Variants in RAB40B observed in about 807,000 individuals in gnomAD.
The protein encoded by RAB40B is RAB40B, member RAS oncogene family, also known as ras-related protein Rab-40B.
Under a neutral mutation model 24.0 loss-of-function variants are expected in RAB40B, and 21 were observed. The observed-to-expected ratio is 0.88, with a 90% CI of 0.62 to 1.26. RAB40B has a LOEUF of 1.26. Ranked by LOEUF, RAB40B falls within the 50% of genes most tolerant of loss-of-function variation. The pLI, the probability that RAB40B is intolerant of heterozygous loss-of-function variation, is 0.00. For synonymous variants in RAB40B, 167 were observed against 169.8 expected (o/e 0.98, Z 0.13); for missense variants, 348 against 390.5 (o/e 0.89, Z 0.92).
rs574207848 is a variant in RAB40B, at chr17:82,661,967, C to T, written c.204-920G>A. 25 of 984,808 alleles carry T rather than the reference C, an allele frequency of 2.5e-5. No individual in the cohort carries two copies. The South Asian group carries it at 2.8e-4, about 11-fold the overall frequency. 61.0% of individuals were successfully genotyped at this position (984,808 alleles called of 1,614,324 possible). A position where few individuals can be genotyped will look rare whatever the true frequency, so the allele number is the denominator to read the frequency against. Reference sequence around the variant, plus strand: ...CCCAGGGATCAGTTCCCAGAGGAGGCGGCCCTGGGACAGCCAGCGCTGTTT... The same window carrying T: ...CCCAGGGATCAGTTCCCAGAGGAGGTGGCCCTGGGACAGCCAGCGCTGTTT... On this transcript the variant is annotated intron_variant, in intron 2 of 5. Transcript: ENST00000571995.
At chr17:82,659,702 G>A (rs1238573322) in intron 3 of RAB40B, 45 bp from the exon 4 acceptor site, 1 of 1,487,208 alleles carries the variant, frequency 6.7e-7, no homozygotes. Context: ...ACAGATGCAG[G>A]CACAGCTGTG....
intron 2 of RAB40B, among the ~76,000 whole-genome samples, chr17:82,664,030 G>GT (rs2046213034): frequency 6.8e-6 from 1 of 147,532 alleles, no homozygotes. Context: ...AACGGTGGTG[G>GT]GGGAAGGGTG....
At chr17:82,673,553 C>G (rs180842828) in intron 1 of RAB40B, among the ~76,000 whole-genome samples, 3 of 152,306 alleles carry the variant, frequency 2.0e-5, no homozygotes, top group East Asian at 1.9e-4. Context: ...TTAGGCTGCC[C>G]TCACTCTTCC....
chr17:82,682,098 T>C (rs1354913862), intron 1 of RAB40B, among the ~76,000 whole-genome samples: 2 of 137,388 alleles, frequency 1.5e-5, no homozygotes, highest in Non-Finnish European at 3.1e-5. Flanking sequence ...CCAGATGACA[T>C]TACTATACAC....
At chr17:82,677,554 C>T (rs78351073) in intron 1 of RAB40B, among the ~76,000 whole-genome samples, 52 of 152,338 alleles carry the variant, frequency 3.4e-4, no homozygotes, top group African/African-American at 1.2e-3. Flanking sequence ...TGTTGTGGCT[C>T]TCCATCAGCC....
intron 2 of RAB40B, chr17:82,662,836 C>G (rs1458442383): frequency 1.0e-6 from 1 of 985,166 alleles, no homozygotes; most frequent in African/African-American, 1.7e-5. Flanking sequence ...GCAGCCAGAC[C>G]CGGGGTGGAG....
At chr17:82,694,663 CAAAA>C (rs755880538) in intron 1 of RAB40B, among the ~76,000 whole-genome samples, 1 of 151,572 alleles carries the variant, frequency 6.6e-6, no homozygotes, top group Non-Finnish European at 1.5e-5. Flanking sequence ...AACTATGAGA[CAAAA>C]AGAAAGAATT....
intron 1 of RAB40B, among the ~76,000 whole-genome samples, chr17:82,673,707 G>T (rs866987659): frequency 1.8e-4 from 28 of 152,278 alleles, no homozygotes; most frequent in Middle Eastern, 6.8e-3. Context: ...GGTGGGCATG[G>T]AGGCGCTTCT....
At chr17:82,659,480 C>T (rs970025179) in intron 4 of RAB40B, 100 bp downstream of exon 4, 7 of 1,208,838 alleles carry the variant, frequency 5.8e-6, no homozygotes, top group Admixed American at 1.9e-5. Context: ...GCCTGTGATC[C>T]ATGGGTACCC....
chr17:82,694,843 A>T (rs570079472), intron 1 of RAB40B, among the ~76,000 whole-genome samples: 5 of 151,788 alleles, frequency 3.3e-5, no homozygotes, highest in Non-Finnish European at 7.3e-5. Context: ...AGATATCTCT[A>T]CATTGTTCAA....
At chr17:82,670,546 T>G (rs2046320082) in intron 1 of RAB40B, among the ~76,000 whole-genome samples, 1 of 151,208 alleles carries the variant, frequency 6.6e-6, no homozygotes, top group Non-Finnish European at 1.5e-5. Context: ...TTTTTTTTTT[T>G]TTTTTTGAGA....
rs2046572197 is a variant in RAB40B at position 82,692,814 on chromosome 17, C to T, written c.142+5641G>A. On this transcript the variant is annotated intron_variant, in intron 1 of 5. Transcript: ENST00000571995. This position sits in a 1 kb window ranked among gnomAD's most constrained non-coding sequence, Gnocchi z 4.0. ...GTTAAAATTAAGAGCTTCTGTTCAT[C>T]CAAAAATACCACTGAAGGAGTGGAA... Among the ~76,000 whole-genome samples the T allele has an allele frequency of 6.6e-6, 1 of 152,108 alleles. No individual in the cohort carries two copies. Among genetic ancestry groups the T allele is most frequent in the South Asian group, 2.1e-4 (1 of 4,832 alleles).
intron 1 of RAB40B, among the ~76,000 whole-genome samples, chr17:82,670,208 CAG>C (rs1248273140): frequency 8.8e-6 from 1 of 113,670 alleles, no homozygotes; most frequent in Non-Finnish European, 1.7e-5. Flanking sequence ...TTTTTTGAGA[CAG>C]AGTCTCGCTC....
At chr17:82,661,323 C>A in intron 2 of RAB40B, 2 of 1,176,032 alleles carry the variant, frequency 1.7e-6, no homozygotes, top group Non-Finnish European at 1.1e-6. Context: ...TAAATACATT[C>A]AATGTAGGCT....
intron 1 of RAB40B, 109 bp from the exon 2 acceptor site, chr17:82,664,665 T>G: frequency 4.6e-6 from 5 of 1,094,632 alleles, no homozygotes; most frequent in Non-Finnish European, 6.7e-6. Flanking sequence ...CTTCCAGGTT[T>G]ACAAGGCAGG....
Position 82,698,698 on chromosome 17 carries a change from C to T in RAB40B, c.-102G>A, listed in dbSNP as rs1035673431. 4.4e-6 allele frequency: 4 copies of T among 917,358 alleles called. No individual in the cohort carries two copies. Among genetic ancestry groups the T allele is most frequent in the Admixed American group, 1.1e-4 (2 of 18,670 alleles). The allele number at this position is 917,358 out of a possible 1,614,324, so 56.8% of individuals were successfully genotyped here. ...GCCGCGCGGGCCCCGAGTCCTTGCT[C>T]GCCTCCGGCCCCGCCCCGCCGCCCA... On this transcript the variant is annotated 5_prime_UTR_variant, in exon 1 of 6. Coordinates refer to ENST00000571995, the MANE Select transcript of RAB40B (RefSeq NM_006822.3).
chr17:82,659,349 G>A (rs571553955), intron 4 of RAB40B: 7 of 541,202 alleles, frequency 1.3e-5, no homozygotes, highest in Admixed American at 3.3e-5. Context: ...CGCCGTGGAC[G>A]CTCGTTTCGT....
chr17:82,668,794 C>A (rs769658789), intron 1 of RAB40B, among the ~76,000 whole-genome samples: 1 of 152,252 alleles, frequency 6.6e-6, no homozygotes, highest in Non-Finnish European at 1.5e-5. Context: ...CAGCGGGCCG[C>A]GGCACGCAGG....
At chr17:82,688,486 G>T (rs2046525096) in intron 1 of RAB40B, among the ~76,000 whole-genome samples, 1 of 151,852 alleles carries the variant, frequency 6.6e-6, no homozygotes, top group Admixed American at 6.6e-5. Flanking sequence ...GTGGAGGCAG[G>T]CGCCTGTAAT....
Sources: allele counts gnomAD v4.1 joint callset (sites outside exome capture counted in the v4.1 genomes callset), GRCh38; gene constraint gnomAD v4.1.1; non-coding constraint Gnocchi (gnomAD v3.1); transcripts MANE v1.5; gene names NCBI Gene and HGNC (gene_info 2026-07-23, HGNC 2026-07-21).